The following CALN1 variants were observed in gnomAD, a reference collection of about 807,000 sequenced individuals.
The protein encoded by CALN1 is calcium-binding protein 8.
CALN1 carries 17 observed loss-of-function variants against 30.6 expected under a neutral mutation model. That is an observed-to-expected ratio of 0.56 (90% confidence interval 0.38 to 0.83). CALN1 has a LOEUF of 0.83. CALN1 is among the 40% of genes least tolerant of loss of function. CALN1 has a pLI of 0.00. For missense variants in CALN1, 291 were observed against 354.9 expected (o/e 0.82, Z 1.45); for synonymous variants, 156 against 131.4 (o/e 1.19, Z -1.28).
At chr7:72,216,409 G>A (rs887500662) in intron 3 of CALN1, among the ~76,000 whole-genome samples, 5 of 77,320 alleles carry the variant, frequency 6.5e-5, no homozygotes, top group Non-Finnish European at 1.2e-4. Flanking sequence ...AAGACCCTAT[G>A]TCTTTAAAAA....
At chr7:71,811,717 C>T (rs1391035881) in intron 5 of CALN1, among the ~76,000 whole-genome samples, 1 of 144,074 alleles carries the variant, frequency 6.9e-6, no homozygotes, top group East Asian at 2.1e-4. Flanking sequence ...TTGCTTCCAT[C>T]TCGCAGGCTG....
At chr7:71,930,947 T>A (rs1795518786) in intron 5 of CALN1, among the ~76,000 whole-genome samples, 1 of 152,220 alleles carries the variant, frequency 6.6e-6, no homozygotes, top group Non-Finnish European at 1.5e-5. Flanking sequence ...TATAACACCG[T>A]ACATGTTTCT....
intron 2 of CALN1, among the ~76,000 whole-genome samples, chr7:72,382,459 C>T (rs1406616581): frequency 2.0e-5 from 3 of 152,112 alleles, no homozygotes; most frequent in Non-Finnish European, 4.4e-5. Flanking sequence ...ATTAGAATTG[C>T]ATTTTTTTAT....
chr7:71,962,156 G>A (rs1208112555), intron 5 of CALN1, among the ~76,000 whole-genome samples: 1 of 151,938 alleles, frequency 6.6e-6, no homozygotes, highest in African/African-American at 2.4e-5. Context: ...ATTTTGAGAG[G>A]CCAAGGCTGG....
chr7:72,149,998 C>T (rs1787099624), intron 3 of CALN1, among the ~76,000 whole-genome samples: 1 of 151,838 alleles, frequency 6.6e-6, no homozygotes, highest in Admixed American at 6.6e-5. Context: ...TGGCAGATGC[C>T]TATAATCCAA....
Position 72,434,521 on chromosome 7 carries a change from AAGAAGGAGAAGG to A in CALN1, c.-226+12509_-226+12520del, listed in dbSNP as rs200458612. ...TGGTGACAGTGCGAGACTCCATCAG[AAGAAGGAGAAGG>A]AGAAGGAGAAGGAGAAGGAGGGGAA... On this transcript the variant is annotated intron_variant, in intron 1 of 6. Coordinates refer to the CALN1 transcript ENST00000395276. Among the ~76,000 whole-genome samples, 802 of 151,358 alleles carry A rather than the reference AAGAAGGAGAAGG, an allele frequency of 5.3e-3. 3 individuals carry two copies. The highest frequency in any genetic ancestry group is 0.018 in the African/African-American group (754 of 41,030).
rs577909391 is a variant in CALN1, at chr7:72,050,544, G to A, written c.389-26775C>T. 2.0e-5 allele frequency among the ~76,000 whole-genome samples: 3 copies of A among 152,186 alleles called. No homozygotes were observed. The East Asian group carries it at 5.8e-4, about 29-fold the overall frequency. Reference sequence around the variant, plus strand: ...TATTAATAGTAAACATTGAAGCAGAGCCCTAGATCACTCCGAAATGGAAAA... The same window carrying A: ...TATTAATAGTAAACATTGAAGCAGAACCCTAGATCACTCCGAAATGGAAAA... On this transcript the variant is annotated intron_variant, in intron 4 of 6. Transcript: ENST00000395275.
intron 4 of CALN1, among the ~76,000 whole-genome samples, chr7:72,070,840 T>A (rs1447672354): frequency 6.6e-6 from 1 of 152,178 alleles, no homozygotes; most frequent in Admixed American, 6.5e-5. Flanking sequence ...ATAATTCAAT[T>A]TCTTAAGTCC....
chr7:72,205,193 A>C (rs934483669), intron 3 of CALN1, among the ~76,000 whole-genome samples: 1 of 148,060 alleles, frequency 6.8e-6, no homozygotes, highest in Non-Finnish European at 1.5e-5. Flanking sequence ...TTTTGTTTTT[A>C]TTTTTGCTTT....
At chr7:72,483,435 C>A in the CALN1 span, among the ~76,000 whole-genome samples, 2 of 152,016 alleles carry the variant, frequency 1.3e-5, no homozygotes, top group African/African-American at 2.4e-5. Context: ...CAGGCACCCA[C>A]CACCATGCCC....
chr7:71,874,720 G>T (rs1792141560), intron 5 of CALN1, among the ~76,000 whole-genome samples: 1 of 152,162 alleles, frequency 6.6e-6, no homozygotes, highest in Non-Finnish European at 1.5e-5. Flanking sequence ...TGATTCCAGG[G>T]ACTTCGAGTG....
At chr7:72,503,900 T>C in the CALN1 span, among the ~76,000 whole-genome samples, 2 of 152,176 alleles carry the variant, frequency 1.3e-5, no homozygotes, top group Non-Finnish European at 2.9e-5. Context: ...GGTTTTTTAA[T>C]GGCTCCCAGG....
At chr7:72,086,922 C>G (rs1008496681) in intron 4 of CALN1, among the ~76,000 whole-genome samples, 1 of 151,940 alleles carries the variant, frequency 6.6e-6, no homozygotes, top group African/African-American at 2.4e-5. Context: ...AATGAAAAGA[C>G]CTGACTTCAT....
intron 5 of CALN1, among the ~76,000 whole-genome samples, chr7:71,940,215 G>A (rs1308537281): frequency 2.0e-5 from 3 of 152,050 alleles, no homozygotes; most frequent in Admixed American, 6.6e-5. Flanking sequence ...TTTATGCTTT[G>A]AGCACCTAGA....
intron 5 of CALN1, among the ~76,000 whole-genome samples, chr7:72,006,630 G>C (rs1029200070): frequency 6.6e-6 from 1 of 151,886 alleles, no homozygotes; most frequent in Non-Finnish European, 1.5e-5. Context: ...CAAATAAAGA[G>C]AAAATGAGAT....
chr7:72,271,891 A>C (rs1176703535), intron 3 of CALN1, among the ~76,000 whole-genome samples: 1 of 151,646 alleles, frequency 6.6e-6, no homozygotes, highest in Non-Finnish European at 1.5e-5. Context: ...GTGAAACCCC[A>C]TTTCTACTAA....
intron 2 of CALN1, among the ~76,000 whole-genome samples, chr7:72,382,997 G>A (rs549738716): frequency 2.6e-5 from 4 of 152,012 alleles, no homozygotes; most frequent in African/African-American, 4.8e-5. Flanking sequence ...CATATTGGCC[G>A]GGATGGTCTC....
intron 4 of CALN1, among the ~76,000 whole-genome samples, chr7:72,053,099 G>A (rs376870791): frequency 4.3e-4 from 66 of 152,276 alleles, no homozygotes; most frequent in African/African-American, 1.6e-3. Flanking sequence ...ACGTGGTGAC[G>A]GGAGCCTGTA....
chr7:72,271,053 G>A (rs935100592), intron 3 of CALN1, among the ~76,000 whole-genome samples: 5 of 152,198 alleles, frequency 3.3e-5, no homozygotes, highest in South Asian at 2.1e-4. Context: ...GAGATAACAA[G>A]GATGATTCCC....
Sources: gnomAD v4.1 joint callset for allele counts (sites outside exome capture counted in the v4.1 genomes callset) on GRCh38, gnomAD v4.1.1 for gene constraint, MANE v1.5 for transcripts, NCBI Gene and HGNC (gene_info 2026-07-23, HGNC 2026-07-21) for gene names.